Variants in ITSN1 observed in about 807,000 individuals in gnomAD.
ITSN1 encodes the protein intersectin 1.
Under a neutral mutation model 239.8 loss-of-function variants are expected in ITSN1, and 58 were observed. The ratio of observed to expected loss-of-function variants is 0.24; its 90% CI spans 0.20 to 0.30. The LOEUF (loss-of-function observed/expected upper bound fraction) is 0.30, where lower values mean the gene tolerates loss of function less well. Ranked by LOEUF, ITSN1 falls within the 10% of genes least tolerant of loss-of-function variation. The pLI is 1.00. For missense variants in ITSN1, 1,558 were observed against 2,103.3 expected, an observed-to-expected ratio of 0.74 and a Z score of 5.07; for synonymous variants, 780 against 770.8, an observed-to-expected ratio of 1.01 and a Z score of -0.20.
chr21:33,774,156 G>A (rs1363178864), intron 12 of ITSN1, among the ~76,000 whole-genome samples: 2 of 152,166 alleles, frequency 1.3e-5, no homozygotes, highest in Non-Finnish European at 2.9e-5. Context: ...ATGAGTCAGA[G>A]GCAATTCCCA....
intron 12 of ITSN1, 137 bp from the exon 13 acceptor site, chr21:33,774,592 G>T: frequency 2.7e-6 from 2 of 740,062 alleles, no homozygotes; most frequent in South Asian, 2.2e-5. Flanking sequence ...GTAATTTTTT[G>T]TTTTCTAATG....
intron 20 of ITSN1, among the ~76,000 whole-genome samples, chr21:33,807,611 A>G (rs2072560478): frequency 6.6e-6 from 1 of 152,028 alleles, no homozygotes; most frequent in South Asian, 2.1e-4. Context: ...GGAGTGAGCC[A>G]CTGCACCTGG....
intron 33 of ITSN1, among the ~76,000 whole-genome samples, chr21:33,873,087 C>T (rs546177459): frequency 6.6e-6 from 1 of 152,188 alleles, no homozygotes; most frequent in South Asian, 2.1e-4. Context: ...TTGATTTAGT[C>T]ATGGATGAGG....
intron 9 of ITSN1, among the ~76,000 whole-genome samples, chr21:33,763,458 G>C (rs1439054503): frequency 1.3e-5 from 2 of 152,088 alleles, no homozygotes; most frequent in African/African-American, 4.8e-5. Flanking sequence ...CCTGTATACT[G>C]TAGGATGTTC....
chr21:33,740,997 A>C (rs115193697), intron 5 of ITSN1, among the ~76,000 whole-genome samples: 23 of 152,300 alleles, frequency 1.5e-4, no homozygotes, highest in South Asian at 1.0e-3. Context: ...ATTTCTAACA[A>C]ATTTGGAAGC....
In ITSN1 at chr21:33,894,442, T is replaced by C. The variant is rs1173799828; in HGVS notation, c.*6142T>C. ...TTTAATAGGATTCTGTTCGATTTTC[T>C]ATACCAGCCTATATTGTTACTATCA... On this transcript the variant is annotated 3_prime_UTR_variant, in exon 40 of 40. Transcript: ENST00000381318. 6.6e-6 allele frequency: 1 copy of C among 152,226 alleles called. No individual in the cohort carries two copies. The highest frequency in any genetic ancestry group is 6.5e-5 in the Admixed American group (1 of 15,288). The allele number at this position is 152,226 out of a possible 1,614,324, so 9.4% of individuals were successfully genotyped here.
chr21:33,736,750 C>T (rs1288970663), intron 5 of ITSN1, among the ~76,000 whole-genome samples: 2 of 152,174 alleles, frequency 1.3e-5, no homozygotes, highest in African/African-American at 4.8e-5. Context: ...CTTTGGGAGG[C>T]CAAAGCAGGA....
At chr21:33,831,631 G>C (rs1044375195) in intron 27 of ITSN1, among the ~76,000 whole-genome samples, 1 of 152,166 alleles carries the variant, frequency 6.6e-6, no homozygotes, top group African/African-American at 2.4e-5. Flanking sequence ...GCCTTGCTGG[G>C]GAAGGCCTCG....
chr21:33,774,131 G>A (rs926074775), intron 12 of ITSN1, among the ~76,000 whole-genome samples: 2 of 152,200 alleles, frequency 1.3e-5, no homozygotes, highest in African/African-American at 2.4e-5. Context: ...TGTATCAGGT[G>A]TAGTTGGATG....
rs904090227 is a variant in ITSN1 at position 33,683,188 on chromosome 21, CTT to C, written c.-32-35598_-32-35597del. On this transcript the variant is annotated intron_variant, in intron 1 of 39. Coordinates refer to ENST00000381318, the MANE Select transcript of ITSN1 (RefSeq NM_003024.3). ...CAGCTCCTGGGGAATCAGGCGCTGA[CTT>C]TTTTTTTTTTCCTCCTGCTTTTACT... Among the ~76,000 whole-genome samples, 109 of 145,512 alleles carry C rather than the reference CTT, an allele frequency of 7.5e-4. 1 individual carries two copies. The highest frequency in any genetic ancestry group is 2.7e-3 in the African/African-American group (107 of 39,972).
At chr21:33,780,998 C>T (rs1463308186) in intron 14 of ITSN1, among the ~76,000 whole-genome samples, 2 of 152,190 alleles carry the variant, frequency 1.3e-5, no homozygotes, top group African/African-American at 4.8e-5. Flanking sequence ...ATTTCTGTTT[C>T]TAACTTCAGG....
At chr21:33,778,165 A>G (rs960673107) in intron 14 of ITSN1, among the ~76,000 whole-genome samples, 11 of 152,136 alleles carry the variant, frequency 7.2e-5, no homozygotes, top group African/African-American at 2.7e-4. Flanking sequence ...AAAATATTTC[A>G]CTACATTCCA....
chr21:33,702,889 C>T (rs758430792), intron 1 of ITSN1, among the ~76,000 whole-genome samples: 6 of 152,218 alleles, frequency 3.9e-5, no homozygotes, highest in Admixed American at 2.0e-4. Flanking sequence ...ACCAGCCTGG[C>T]CAACATGGTG....
chr21:33,867,506 C>T (rs1269874484), intron 33 of ITSN1, among the ~76,000 whole-genome samples, 175 bp downstream of exon 33: 4 of 151,972 alleles, frequency 2.6e-5, no homozygotes, highest in Non-Finnish European at 5.9e-5. Flanking sequence ...GCTGGTTTAT[C>T]ACGCAAAGAG....
At chr21:33,765,596 A>G (rs997646657) in intron 9 of ITSN1, among the ~76,000 whole-genome samples, 3 of 152,244 alleles carry the variant, frequency 2.0e-5, no homozygotes, top group Non-Finnish European at 4.4e-5. Context: ...CTGTTAAAAA[A>G]GATTCATGGA....
At chr21:33,802,689 C>T (rs947270482) in intron 20 of ITSN1, among the ~76,000 whole-genome samples, 1 of 152,010 alleles carries the variant, frequency 6.6e-6, no homozygotes, top group Non-Finnish European at 1.5e-5. Context: ...CTGTGTTTGG[C>T]AAGGGATTAG....
At chr21:33,673,248 G>A (rs1449197753) in intron 1 of ITSN1, among the ~76,000 whole-genome samples, 1 of 152,148 alleles carries the variant, frequency 6.6e-6, no homozygotes, top group Non-Finnish European at 1.5e-5. Context: ...AGTGGTTATC[G>A]GGGGAAGGGG....
chr21:33,777,623 A>G (rs2069745698), intron 14 of ITSN1, among the ~76,000 whole-genome samples: 2 of 152,228 alleles, frequency 1.3e-5, no homozygotes, highest in African/African-American at 2.4e-5. Context: ...TGTAGTTTGC[A>G]GTGTCCAAGT....
At chr21:33,761,841 C>T in intron 8 of ITSN1, 82 bp from the exon 9 acceptor site, 2 of 959,886 alleles carry the variant, frequency 2.1e-6, no homozygotes, top group Non-Finnish European at 3.4e-6. Context: ...ATGGAGTAGT[C>T]CACATACGCA....
Sources: gnomAD v4.1 joint callset for allele counts (sites outside exome capture counted in the v4.1 genomes callset) on GRCh38, gnomAD v4.1.1 for gene constraint, MANE v1.5 for transcripts, NCBI Gene and HGNC (gene_info 2026-07-23, HGNC 2026-07-21) for gene names.